The following SCAPER variants were observed in gnomAD, a reference collection of about 807,000 sequenced individuals.
SCAPER encodes S-phase cyclin A associated protein in the ER.
SCAPER carries 98 observed loss-of-function variants against 182.2 expected under a neutral mutation model. That is an observed-to-expected ratio of 0.54 (90% confidence interval 0.46 to 0.64). The LOEUF is 0.64. SCAPER is among the 30% of genes least tolerant of loss of function. The probability of loss-of-function intolerance (pLI) is 0.00; values close to 1 mark genes in which losing one functional copy is unlikely to be tolerated. For synonymous variants in SCAPER, 605 were observed against 564.6 expected, an observed-to-expected ratio of 1.07 and a Z score of -1.01; for missense variants, 1,432 against 1,690.0, an observed-to-expected ratio of 0.85 and a Z score of 2.68.
intron 27 of SCAPER, among the ~76,000 whole-genome samples, chr15:76,383,183 C>T (rs1030697805): frequency 6.6e-6 from 1 of 151,908 alleles, no homozygotes; most frequent in Non-Finnish European, 1.5e-5. Flanking sequence ...ATTCTTTCAG[C>T]TGGAACCCAG....
intron 21 of SCAPER, among the ~76,000 whole-genome samples, chr15:76,639,619 C>T (rs2053935927): frequency 6.6e-6 from 1 of 152,114 alleles, no homozygotes; most frequent in Admixed American, 6.5e-5. Context: ...CTATGGCAAT[C>T]ATCAAAAGGT....
chr15:76,440,620 C>G (rs2047498011), intron 25 of SCAPER, among the ~76,000 whole-genome samples: 1 of 151,994 alleles, frequency 6.6e-6, no homozygotes, highest in South Asian at 2.1e-4. Context: ...AAGACAGTGT[C>G]AGAGTACAGA....
At chr15:76,706,666 G>T (rs2059278204) in intron 17 of SCAPER, among the ~76,000 whole-genome samples, 1 of 152,068 alleles carries the variant, frequency 6.6e-6, no homozygotes, top group Admixed American at 6.6e-5. Context: ...AATTGGAGGT[G>T]AGATAATATA....
chr15:76,396,756 G>A (rs1023556792), intron 27 of SCAPER, among the ~76,000 whole-genome samples: 4 of 152,150 alleles, frequency 2.6e-5, no homozygotes, highest in Non-Finnish European at 5.9e-5. Context: ...CATATCATCT[G>A]TAAAAAAGGA....
chr15:76,651,715 T>C (rs2146534501), intron 21 of SCAPER, among the ~76,000 whole-genome samples: 1 of 145,560 alleles, frequency 6.9e-6, no homozygotes, highest in Non-Finnish European at 1.5e-5. Flanking sequence ...CCAATCCTAC[T>C]AAAACTATTC....
intron 25 of SCAPER, among the ~76,000 whole-genome samples, chr15:76,443,851 A>T (rs1188820294): frequency 6.6e-6 from 1 of 152,238 alleles, no homozygotes; most frequent in Non-Finnish European, 1.5e-5. Context: ...CTTTACCAGT[A>T]TGATTCTGAA....
chr15:76,679,138 A>G (rs2057537960), intron 20 of SCAPER, among the ~76,000 whole-genome samples: 1 of 152,236 alleles, frequency 6.6e-6, no homozygotes, highest in Non-Finnish European at 1.5e-5. Flanking sequence ...ACACTATTCA[A>G]AAATGAAGAC....
At chr15:76,650,335 T>G (rs949691517) in intron 21 of SCAPER, among the ~76,000 whole-genome samples, 1 of 151,668 alleles carries the variant, frequency 6.6e-6, no homozygotes, top group Non-Finnish European at 1.5e-5. Flanking sequence ...AAAGATACTA[T>G]GCAAAAAACA....
intron 22 of SCAPER, among the ~76,000 whole-genome samples, chr15:76,580,604 AT>A (rs1473416232): frequency 7.2e-5 from 11 of 152,180 alleles, no homozygotes. Context: ...ATAAAAAAAA[AT>A]CTTGAAAATA....
intron 23 of SCAPER, among the ~76,000 whole-genome samples, chr15:76,567,053 T>A (rs2145241905): frequency 6.6e-6 from 1 of 152,250 alleles, no homozygotes; most frequent in South Asian, 2.1e-4. Flanking sequence ...TTTCTTTTTC[T>A]ATTTTCTTTA....
At chr15:76,464,007 C>CTTTTTTTTTTTTTT (rs10630336) in intron 25 of SCAPER, among the ~76,000 whole-genome samples, 2 of 120,376 alleles carry the variant, frequency 1.7e-5, no homozygotes, top group African/African-American at 3.2e-5. Flanking sequence ...TTTCACTGGT[C>CTTTTTTTTTTTTTT]TTTTTTTTTT....
At chr15:76,673,952 T>TACACACACAC (rs71447120) in intron 20 of SCAPER, among the ~76,000 whole-genome samples, 181 of 146,456 alleles carry the variant, frequency 1.2e-3, no homozygotes, top group African/African-American at 2.5e-3. Flanking sequence ...AATTTATCTA[T>TACACACACAC]ACACACACAC....
intron 22 of SCAPER, among the ~76,000 whole-genome samples, chr15:76,592,665 G>A (rs977848091): frequency 8.1e-6 from 1 of 122,804 alleles, no homozygotes; most frequent in African/African-American, 2.5e-5. Flanking sequence ...CGCAGCCCAT[G>A]GAGGGTCAGC....
At chr15:76,378,544 T>G (rs2042724442) in intron 28 of SCAPER, among the ~76,000 whole-genome samples, 1 of 152,240 alleles carries the variant, frequency 6.6e-6, no homozygotes, top group African/African-American at 2.4e-5. Flanking sequence ...TTAATTTACT[T>G]AAGCATTATA....
chr15:76,723,487 G>A (rs1195499394), intron 17 of SCAPER, among the ~76,000 whole-genome samples: 2 of 152,118 alleles, frequency 1.3e-5, no homozygotes, highest in African/African-American at 2.4e-5. Flanking sequence ...GGATATCCTT[G>A]TTAACTTTCT....
At chr15:76,863,154 C>T (rs1180444755) in intron 2 of SCAPER, among the ~76,000 whole-genome samples, 1 of 152,204 alleles carries the variant, frequency 6.6e-6, no homozygotes, top group African/African-American at 2.4e-5. Flanking sequence ...GCCCCACCAA[C>T]ACCCTGTGCC....
At position 76,855,260 on chromosome 15, in the gene SCAPER, T is replaced by A. The variant is rs559597971; in HGVS notation, c.195+2549A>T. Among the ~76,000 whole-genome samples, 5 of 152,030 alleles carry A rather than the reference T, an allele frequency of 3.3e-5. 1 individual carries two copies. In the South Asian group the frequency reaches 1.0e-3, roughly 32 times the overall value. On this transcript the variant is annotated intron_variant, in intron 4 of 31. Coordinates refer to ENST00000563290, the MANE Select transcript of SCAPER (RefSeq NM_020843.4). ...GAAACTAGTTCCCTTCCTTACACCA[T>A]ATACAAAAATCAACTCAAGATGGAT...
At chr15:76,572,915 TCTCTCACA>T (rs1346002182) in intron 23 of SCAPER, among the ~76,000 whole-genome samples, 5 of 131,164 alleles carry the variant, frequency 3.8e-5, no homozygotes, top group East Asian at 2.3e-4. Context: ...TCTCTCTCTC[TCTCTCACA>T]CACACACACA....
chr15:76,405,854 T>C lies in SCAPER; in HGVS notation c.3312-1175A>G, dbSNP rs1237906515. On this transcript the variant is annotated intron_variant, in intron 26 of 31. Coordinates refer to ENST00000563290, the MANE Select transcript of SCAPER (RefSeq NM_020843.4). The stretch of plus-strand genomic sequence containing the variant: ...TGTAAGTGCACTACAGTCCCCACTA[T>C]TCATTTACCAACACAGGTTTTTGTA... 3.9e-5 allele frequency among the ~76,000 whole-genome samples: 6 copies of C among 152,318 alleles called. No individual in the cohort carries two copies. In the East Asian group the frequency reaches 1.2e-3, roughly 29 times the overall value.
Sources: gnomAD v4.1 joint callset for allele counts (sites outside exome capture counted in the v4.1 genomes callset) on GRCh38, gnomAD v4.1.1 for gene constraint, MANE v1.5 for transcripts, NCBI Gene and HGNC (gene_info 2026-07-23, HGNC 2026-07-21) for gene names.